Variants in CFAP77 observed in about 807,000 individuals in gnomAD.
CFAP77 encodes cilia- and flagella-associated protein 77.
In CFAP77, 25 loss-of-function variants were observed where a neutral mutation model predicts 31.1. That is an observed-to-expected ratio of 0.80 (90% CI 0.59 to 1.12). The LOEUF (loss-of-function observed/expected upper bound fraction) is 1.12, where lower values mean the gene tolerates loss of function less well. Among genes scored for constraint, CFAP77 ranks in the 50% most tolerant of loss-of-function variants. CFAP77 has a pLI of 0.00. For synonymous variants in CFAP77, 151 were observed against 159.9 expected (o/e 0.94, Z 0.42); for missense variants, 377 against 397.3 (o/e 0.95, Z 0.44).
At chr9:132,422,007 A>G (rs1850224237) in intron 1 of CFAP77, among the ~76,000 whole-genome samples, 2 of 148,500 alleles carry the variant, frequency 1.3e-5, no homozygotes, top group African/African-American at 5.0e-5. Flanking sequence ...CCTTAGTCCC[A>G]GGTGGCTTTT....
At chr9:132,502,211 G>C (rs997480261) in intron 3 of CFAP77, among the ~76,000 whole-genome samples, 4 of 144,514 alleles carry the variant, frequency 2.8e-5, no homozygotes, top group Middle Eastern at 7.4e-3. Context: ...CTCCCCTCTT[G>C]CTTCTCCTGG....
At chr9:132,519,346 G>C (rs1852207023) in intron 3 of CFAP77, among the ~76,000 whole-genome samples, 3 of 145,838 alleles carry the variant, frequency 2.1e-5, no homozygotes, top group Admixed American at 6.8e-5. Context: ...ATGGGTGGGT[G>C]GGCAAGTGGG....
intron 5 of CFAP77, among the ~76,000 whole-genome samples, chr9:132,562,680 G>A (rs577358647): frequency 1.3e-5 from 2 of 151,870 alleles, no homozygotes; most frequent in East Asian, 3.9e-4. Flanking sequence ...ACTTGTTTTT[G>A]TTGTTGTTGT....
rs532342119 is a variant in CFAP77 at position 132,455,758 on chromosome 9, G to A, written c.196-42937G>A. 3.4e-4 allele frequency among the ~76,000 whole-genome samples: 51 copies of A among 151,910 alleles called. No homozygotes were observed. Among genetic ancestry groups the A allele is most frequent in the African/African-American group, 1.2e-3 (48 of 41,428 alleles). On this transcript the variant is annotated intron_variant, in intron 1 of 5. Transcript: ENST00000393216. This position sits in a 1 kb window ranked among gnomAD's most constrained non-coding sequence, Gnocchi z 4.1. ...ACAAAACAAAACAAAAAAGCAAAAC[G>A]AACCCCAAATGTCTCTCCACTCAGC...
Position 132,573,120 on chromosome 9 carries a change from C to G in CFAP77, c.*610C>G, listed in dbSNP as rs990864092. ...CAAGCAGGCCAAGTTGGACTCCTCC[C>G]CCAGGACTGACTTTGGAAGGTCAAC... On this transcript the variant is annotated 3_prime_UTR_variant, in exon 6 of 6. Transcript: ENST00000393216. 1.3e-5 allele frequency: 2 copies of G among 152,322 alleles called. No homozygotes were observed. The highest frequency in any genetic ancestry group is 4.8e-5 in the African/African-American group (2 of 41,426). The allele number at this position is 152,322 out of a possible 1,614,324, so 9.4% of individuals were successfully genotyped here.
At chr9:132,443,304 A>G (rs1021384035) in intron 1 of CFAP77, among the ~76,000 whole-genome samples, 1 of 141,822 alleles carries the variant, frequency 7.1e-6, no homozygotes, top group East Asian at 2.1e-4. Context: ...CCCAGGCTGG[A>G]GTGCAACGGC....
chr9:132,537,602 C>T lies in CFAP77; in HGVS notation c.526C>T (p.Pro176Ser), dbSNP rs1852568297. The T allele has an allele frequency of 6.2e-7, 1 of 1,609,762 alleles. No individual in the cohort carries two copies. The highest frequency in any genetic ancestry group is 8.5e-7 in the Non-Finnish European group (1 of 1,177,752). The change falls in exon 4 of 6, where the codon CCT (proline) becomes TCT (serine). Residue 176 changes from proline to serine, a missense_variant and splice_region_variant. By Grantham distance (74) the Pro-to-Ser change is moderately conservative. Transcript: ENST00000393216. ...TCTGTCTGGACTTCTTCCCTCCAGGCCTTCCACACCCTTCTTTGATCTGCT... is the reference window on the plus strand; with the variant it reads ...TCTGTCTGGACTTCTTCCCTCCAGGTCTTCCACACCCTTCTTTGATCTGCT... ...PNMTFGIRARPSTPFFDLLQH... is the reference protein window; with the variant it reads ...PNMTFGIRARSSTPFFDLLQH...
chr9:132,483,029 T>C (rs981441361), intron 1 of CFAP77, among the ~76,000 whole-genome samples: 2 of 150,744 alleles, frequency 1.3e-5, no homozygotes, highest in Non-Finnish European at 2.9e-5. Context: ...CCCAGCACTT[T>C]GAGAGGCTGA....
At chr9:132,533,663 C>CT (rs1454086804) in intron 3 of CFAP77, among the ~76,000 whole-genome samples, 1 of 152,206 alleles carries the variant, frequency 6.6e-6, no homozygotes, top group Non-Finnish European at 1.5e-5. Context: ...GGGTGGATCA[C>CT]TTGAGGTCAA....
chr9:132,449,897 T>A (rs1236608672), intron 1 of CFAP77, among the ~76,000 whole-genome samples: 1 of 80,546 alleles, frequency 1.2e-5, no homozygotes, highest in Non-Finnish European at 2.7e-5. Flanking sequence ...ATTAAGAGTT[T>A]TTTTGTTTGT....
chr9:132,509,749 A>T (rs1852000139), intron 3 of CFAP77, among the ~76,000 whole-genome samples: 1 of 152,138 alleles, frequency 6.6e-6, no homozygotes, highest in Non-Finnish European at 1.5e-5. Context: ...AGCCTGGGCG[A>T]CAGAGCAAAA....
At chr9:132,507,907 T>C (rs1292418685) in intron 3 of CFAP77, among the ~76,000 whole-genome samples, 1 of 152,198 alleles carries the variant, frequency 6.6e-6, no homozygotes, top group Non-Finnish European at 1.5e-5. Context: ...CATTGCCCCC[T>C]GCAAAGCCAA....
At chr9:132,496,783 T>G (rs979272327) in intron 1 of CFAP77, among the ~76,000 whole-genome samples, 1 of 152,200 alleles carries the variant, frequency 6.6e-6, no homozygotes, top group Non-Finnish European at 1.5e-5. Flanking sequence ...AAGTGGTTTT[T>G]AATATCAGGC....
At chr9:132,438,424 G>A (rs1850548033) in intron 1 of CFAP77, among the ~76,000 whole-genome samples, 1 of 149,680 alleles carries the variant, frequency 6.7e-6, no homozygotes, top group Non-Finnish European at 1.5e-5. Context: ...AGTCTCAAAT[G>A]CATGTATTTT....
intron 5 of CFAP77, among the ~76,000 whole-genome samples, chr9:132,547,860 C>T (rs1852758632): frequency 6.6e-6 from 1 of 152,202 alleles, no homozygotes; most frequent in South Asian, 2.1e-4. Context: ...TCAGGGCTCT[C>T]CAGGCAGGGT....
chr9:132,413,148 A>G (rs534400963), intron 1 of CFAP77, among the ~76,000 whole-genome samples: 9 of 152,210 alleles, frequency 5.9e-5, no homozygotes, highest in Non-Finnish European at 1.3e-4. Context: ...GAATAGGATC[A>G]GCATTTTTTT....
At chr9:132,496,516 C>T (rs962936695) in intron 1 of CFAP77, among the ~76,000 whole-genome samples, 1 of 152,232 alleles carries the variant, frequency 6.6e-6, no homozygotes, top group African/African-American at 2.4e-5. Context: ...CTGTCCCCAG[C>T]CCTGGCAACC....
At chr9:132,475,302 A>G (rs902882692) in intron 1 of CFAP77, among the ~76,000 whole-genome samples, 2 of 152,254 alleles carry the variant, frequency 1.3e-5, no homozygotes, top group African/African-American at 4.8e-5. Context: ...GGAAGAGCCC[A>G]GCCTGGGTAT....
At chr9:132,472,624 G>T (rs907104729) in intron 1 of CFAP77, among the ~76,000 whole-genome samples, 1 of 152,180 alleles carries the variant, frequency 6.6e-6, no homozygotes, top group Non-Finnish European at 1.5e-5. Flanking sequence ...GCTGGGCGTG[G>T]TGCAGCCATA....
Sources: gnomAD v4.1 joint callset for allele counts (sites outside exome capture counted in the v4.1 genomes callset) on GRCh38, gnomAD v4.1.1 for gene constraint, Gnocchi (gnomAD v3.1) non-coding constraint, MANE v1.5 for transcripts, NCBI Gene and HGNC (gene_info 2026-07-23, HGNC 2026-07-21) for gene names.